Variants in NISCH observed in about 807,000 individuals in gnomAD.
NISCH encodes the protein I-1 receptor candidate protein.
In NISCH, 55 loss-of-function variants were observed where a neutral mutation model predicts 138.4. The observed-to-expected ratio is 0.40, with a 90% confidence interval of 0.32 to 0.50. NISCH has a LOEUF of 0.50. Ranked by LOEUF, NISCH falls within the 20% of genes least tolerant of loss-of-function variation. NISCH has a pLI of 0.71. For synonymous variants in NISCH, 860 were observed against 861.5 expected (o/e 1.00, Z 0.03); for missense variants, 1,643 against 2,005.5 (o/e 0.82, Z 3.45).
At chr3:52,480,369 G>A in intron 13 of NISCH, 74 bp downstream of exon 13, 1 of 1,587,700 alleles carries the variant, frequency 6.3e-7, no homozygotes, top group Admixed American at 1.8e-5. Context: ...GCTGGGGTTG[G>A]GGGAGAGGTG....
chr3:52,477,450 A>G lies in NISCH; in HGVS notation c.919-124A>G, dbSNP rs569702829. 178 of 745,620 alleles carry G rather than the reference A, an allele frequency of 2.4e-4. 1 individual carries two copies. Among genetic ancestry groups the G allele is most frequent in the Non-Finnish European group, 3.6e-4 (151 of 423,494 alleles). 46.2% of individuals were successfully genotyped at this position (745,620 alleles called of 1,614,324 possible). Reference sequence around the variant, plus strand: ...GGAGATGTCCCACCAGTGGTCCTGCAGGGACGGCCCGTGGGAGTCCATGGT... The same window carrying G: ...GGAGATGTCCCACCAGTGGTCCTGCGGGGACGGCCCGTGGGAGTCCATGGT... On this transcript the variant is annotated intron_variant, in intron 8 of 20. Transcript: ENST00000345716.
chr3:52,467,476 G>A (rs574774387), intron 3 of NISCH, among the ~76,000 whole-genome samples: 4 of 152,256 alleles, frequency 2.6e-5, no homozygotes, highest in East Asian at 3.9e-4. Flanking sequence ...TGAGCCCACC[G>A]TTTGACCAGC....
chr3:52,487,623 C>T lies in NISCH; in HGVS notation c.2131C>T (p.Leu711=). ...GGAGCACATCCGCATCCTCAAGGTGCTGTGGTGCTTCCTGATCCATGTGCA... is the reference window on the plus strand; with the variant it reads ...GGAGCACATCCGCATCCTCAAGGTGTTGTGGTGCTTCCTGATCCATGTGCA... ...LLEHIRILKV[L]WCFLIHVQGS... Residue 711 remains leucine (L), a synonymous_variant, in exon 16 of 21, where the codon CTG becomes TTG. Transcript: ENST00000345716. This position sits in a 1 kb window ranked among gnomAD's most constrained non-coding sequence, Gnocchi z 9.1. The T allele has an allele frequency of 6.2e-7, 1 of 1,613,902 alleles. No individual in the cohort carries two copies. The highest frequency in any genetic ancestry group is 8.5e-7 in the Non-Finnish European group (1 of 1,180,004).
chr3:52,470,452 A>C, intron 3 of NISCH: 1 of 181,762 alleles, frequency 5.5e-6, no homozygotes. Flanking sequence ...CCAGGGTGAT[A>C]AGAGCCTCTC....
intron 6 of NISCH, among the ~76,000 whole-genome samples, chr3:52,473,456 C>T (rs1452216407): frequency 6.6e-6 from 1 of 152,198 alleles, no homozygotes; most frequent in Admixed American, 6.5e-5. Context: ...TTTATGTTCA[C>T]CTGCCAAGCC....
chr3:52,491,300 A>T, intron 19 of NISCH, 52 bp from the exon 20 acceptor site: 2 of 1,570,640 alleles, frequency 1.3e-6, no homozygotes. Context: ...AGGGGCAGGG[A>T]TAGGGCTGGG....
chr3:52,483,906 C>A (rs1158288513), intron 13 of NISCH, among the ~76,000 whole-genome samples: 1 of 152,236 alleles, frequency 6.6e-6, no homozygotes. Context: ...CTCTGCCCAG[C>A]GAGGTCAGGG....
chr3:52,477,772 G>A (rs1454568840), intron 9 of NISCH, 130 bp downstream of exon 9: 8 of 762,822 alleles, frequency 1.0e-5, no homozygotes, highest in Non-Finnish European at 1.4e-5. Context: ...TTCGCTTTAG[G>A]ATCCCAGCAA....
At chr3:52,480,355 C>T in intron 13 of NISCH, 60 bp downstream of exon 13, 2 of 1,601,838 alleles carry the variant, frequency 1.2e-6, no homozygotes, top group South Asian at 1.1e-5. Flanking sequence ...GGCCCCCTGG[C>T]TGGGCTGGGG....
chr3:52,492,303 G>A lies in NISCH; in HGVS notation c.4336G>A (p.Val1446Ile). Residue 1446 changes from valine (V) to isoleucine (I), a missense_variant, in exon 21 of 21, where the codon GTC becomes ATC. Physicochemically the swap from Val to Ile is conservative, Grantham distance 29. Coordinates refer to ENST00000345716, the MANE Select transcript of NISCH (RefSeq NM_007184.4). ...DVQGHDLMGSVTLDHFGEVPG... is the reference protein window; with the variant it reads ...DVQGHDLMGSITLDHFGEVPG... ...GCAAGGTCATGACCTCATGGGCAGT[G>A]TCACCCTGGACCACTTTGGGGAGGT... 6.2e-7 allele frequency: 1 copy of A among 1,613,418 alleles called. No homozygotes were observed. Among genetic ancestry groups the A allele is most frequent in the Non-Finnish European group, 8.5e-7 (1 of 1,180,040 alleles).
intron 3 of NISCH, among the ~76,000 whole-genome samples, chr3:52,463,241 T>A (rs575261600): frequency 6.6e-6 from 1 of 152,366 alleles, no homozygotes; most frequent in Non-Finnish European, 1.5e-5. Flanking sequence ...CTTCTTTCAT[T>A]TAGCCTTATC....
Position 52,487,563 on chromosome 3 carries a change from G to A in NISCH, c.2071G>A (p.Glu691Lys). ...GGCCGAGGAGGAGCGCCTGGCTCTG[G>A]AATGGGCCCTGGGCGCGGACGAGGA... ...EEAEEERLAL[E>K]WALGADEDFL... is the part of the protein sequence containing the mutation. The change falls in exon 16 of 21, where the codon GAA becomes AAA. Residue 691 changes from glutamate to lysine, a missense_variant. Transcript: ENST00000345716. This position sits in a 1 kb window ranked among gnomAD's most constrained non-coding sequence, Gnocchi z 9.1. 6.2e-7 allele frequency: 1 copy of A among 1,612,192 alleles called. No individual in the cohort carries two copies. Among genetic ancestry groups the A allele is most frequent in the East Asian group, 2.2e-5 (1 of 44,850 alleles).
chr3:52,491,827 C>T (rs376494990), intron 20 of NISCH, 45 bp from the exon 21 acceptor site: 116 of 1,529,700 alleles, frequency 7.6e-5, no homozygotes, highest in Non-Finnish European at 7.5e-5. Context: ...CCAGCCCCAC[C>T]AGGGGCCGGT....
Position 52,484,513 on chromosome 3 carries a change from G to A in NISCH, c.1529G>A (p.Gly510Glu). ...TGCCCACCCGCCCTGGTCTCTCCAG[G>A]AATCATGTTCGTTCAGGAGGAGGCC... ...SLPQPILSNQ[G>E]IMFVQEEALA... is the part of the protein sequence containing the mutation. Residue 510 changes from glycine (G) to glutamate (E), a missense_variant and splice_region_variant, in exon 14 of 21, where the codon GGA becomes GAA. By Grantham distance (98) the Gly-to-Glu change is moderately conservative. Transcript: ENST00000345716. The A allele has an allele frequency of 1.5e-6, 2 of 1,357,074 alleles. No homozygotes were observed. Among genetic ancestry groups the A allele is most frequent in the Non-Finnish European group, 1.9e-6 (2 of 1,026,934 alleles). 84.1% of individuals were successfully genotyped at this position (1,357,074 alleles called of 1,614,324 possible). A position where few individuals can be genotyped will look rare whatever the true frequency, so the allele number is the denominator to read the frequency against.
chr3:52,462,712 T>G (rs1261243358), intron 3 of NISCH, among the ~76,000 whole-genome samples: 1 of 152,074 alleles, frequency 6.6e-6, no homozygotes, highest in Non-Finnish European at 1.5e-5. Flanking sequence ...CTCGGCTCAC[T>G]GCAACCTCCA....
At chr3:52,483,296 C>T (rs1381670784) in intron 13 of NISCH, among the ~76,000 whole-genome samples, 2 of 152,144 alleles carry the variant, frequency 1.3e-5, no homozygotes, top group Non-Finnish European at 2.9e-5. Context: ...GGTCGGGGGT[C>T]TCGACCTGTG....
chr3:52,483,750 T>C (rs920113179), intron 13 of NISCH, among the ~76,000 whole-genome samples: 3 of 152,234 alleles, frequency 2.0e-5, no homozygotes, highest in African/African-American at 7.2e-5. Flanking sequence ...CTATGAGTCC[T>C]GCAGAGATGA....
chr3:52,466,999 C>CTTTTTTTTT (rs11457136), intron 3 of NISCH, among the ~76,000 whole-genome samples: 3 of 122,758 alleles, frequency 2.4e-5, no homozygotes, highest in African/African-American at 6.2e-5. Context: ...GTTTCTTTTT[C>CTTTTTTTTT]TTTTTTTTTT....
At position 52,491,372 on chromosome 3, in the gene NISCH, G is replaced by T; in HGVS notation, c.3763G>T (p.Val1255Phe). ...RLTGSTPMQV[V>F]TCLTRDSYLT... ...TGCAGGTTCCACCCCGATGCAGGTGGTCACGTGCTTGACGCGGGACAGCTA... is the reference window on the plus strand; with the variant it reads ...TGCAGGTTCCACCCCGATGCAGGTGTTCACGTGCTTGACGCGGGACAGCTA... Residue 1255 changes from valine (V) to phenylalanine (F), a missense_variant, in exon 20 of 21, where the codon GTC (valine) becomes TTC (phenylalanine). Transcript: ENST00000345716. The T allele has an allele frequency of 6.2e-7, 1 of 1,612,622 alleles. No individual in the cohort carries two copies. Among genetic ancestry groups the T allele is most frequent in the Non-Finnish European group, 8.5e-7 (1 of 1,179,640 alleles).
Sources: allele counts gnomAD v4.1 joint callset (sites outside exome capture counted in the v4.1 genomes callset), GRCh38; gene constraint gnomAD v4.1.1; non-coding constraint Gnocchi (gnomAD v3.1); transcripts MANE v1.5; gene names NCBI Gene and HGNC (gene_info 2026-07-23, HGNC 2026-07-21).